The following KLF5 variants were observed in gnomAD, a reference collection of about 807,000 sequenced individuals.
KLF5 encodes KLF transcription factor 5, also known as Krueppel-like factor 5.
In KLF5, 9 loss-of-function variants were observed where a neutral mutation model predicts 36.9. That is an observed-to-expected ratio of 0.24 (90% CI 0.15 to 0.43). The LOEUF is 0.43. KLF5 is among the 20% of genes least tolerant of loss of function. KLF5 has a pLI of 1.00. For missense variants in KLF5, 524 were observed against 599.5 expected (o/e 0.87, Z 1.31); for synonymous variants, 246 against 241.7 (o/e 1.02, Z -0.17).
At chr13:73,057,380 GA>G (rs58090485), upstream of KLF5, among the ~76,000 whole-genome samples, 9,250 of 152,266 alleles carry the variant, frequency 0.061, 350 homozygotes, top group East Asian at 0.099. Flanking sequence ...TAAAGATGAA[GA>G]TGGACAGCAT....
intron 3 of KLF5, among the ~76,000 whole-genome samples, chr13:73,068,340 A>G (rs2044696397): frequency 6.6e-6 from 1 of 152,150 alleles, no homozygotes; most frequent in Non-Finnish European, 1.5e-5. Context: ...ACTTCGTATA[A>G]TCTGTACTTG....
intron 2 of KLF5, among the ~76,000 whole-genome samples, chr13:73,063,015 A>AT (rs148429695): frequency 0.061 from 9,219 of 150,654 alleles, 704 homozygotes; most frequent in African/African-American, 0.18. Context: ...GTTCCCTTGG[A>AT]TTTTTTTTTC....
intron 1 of KLF5, among the ~76,000 whole-genome samples, chr13:73,061,537 T>A (rs1269855839): frequency 1.3e-5 from 2 of 152,254 alleles, no homozygotes; most frequent in African/African-American, 4.8e-5. Flanking sequence ...GAATCCTGCT[T>A]GTACAGGGGT....
intron 2 of KLF5, among the ~76,000 whole-genome samples, chr13:73,063,506 A>C (rs1275200161): frequency 1.3e-5 from 2 of 152,242 alleles, no homozygotes; most frequent in African/African-American, 4.8e-5. Context: ...AGAGCCATTA[A>C]AATTTTTAAA....
At chr13:73,058,540 A>C (rs1226797261), upstream of KLF5, among the ~76,000 whole-genome samples, 1 of 152,230 alleles carries the variant, frequency 6.6e-6, no homozygotes, top group East Asian at 1.9e-4. Context: ...TCATTAGACA[A>C]ATCTCTAAAA....
intron 3 of KLF5, among the ~76,000 whole-genome samples, chr13:73,066,535 C>T (rs1267134807): frequency 4.6e-5 from 7 of 152,024 alleles, no homozygotes; most frequent in African/African-American, 1.4e-4. Flanking sequence ...TGTGAAGCAC[C>T]CTAGCATTTC....
upstream of KLF5, among the ~76,000 whole-genome samples, chr13:73,056,413 G>A (rs1284650448): frequency 1.3e-5 from 2 of 152,208 alleles, no homozygotes; most frequent in Non-Finnish European, 2.9e-5. Flanking sequence ...TAAGCGGGAA[G>A]GAATGCAAAG....
chr13:73,060,762 A>C (rs1173345007), intron 1 of KLF5: 2 of 152,306 alleles, frequency 1.3e-5, no homozygotes, highest in East Asian at 3.9e-4. Context: ...CATTCCATCT[A>C]GTTGGTTTTC....
intron 3 of KLF5, among the ~76,000 whole-genome samples, chr13:73,069,373 C>T (rs1457440753): frequency 6.6e-6 from 1 of 152,098 alleles, no homozygotes; most frequent in Non-Finnish European, 1.5e-5. Flanking sequence ...CAGGCAAAAT[C>T]TTTTTTGCAG....
chr13:73,071,512 A>G (rs188102122), intron 3 of KLF5, among the ~76,000 whole-genome samples: 1 of 152,308 alleles, frequency 6.6e-6, no homozygotes, highest in East Asian at 1.9e-4. Context: ...ATAGACGTAA[A>G]AATATGAATT....
At chr13:73,057,421 A>G (rs973589693), upstream of KLF5, among the ~76,000 whole-genome samples, 44 of 152,340 alleles carry the variant, frequency 2.9e-4, no homozygotes, top group African/African-American at 1.0e-3. Context: ...AAAACTTGCA[A>G]AAGCACTTAT....
chr13:73,069,099 AAAT>A (rs1255517897), intron 3 of KLF5, among the ~76,000 whole-genome samples: 5 of 152,198 alleles, frequency 3.3e-5, no homozygotes, highest in South Asian at 4.1e-4. Flanking sequence ...CCATCTGAAA[AAAT>A]AATAATAATA....
chr13:73,076,205 C>T lies in KLF5; in HGVS notation c.*319C>T, dbSNP rs117651109. Reference sequence around the variant, plus strand: ...AGTGTGTGCAGCGTTTTTACCTAGGCACCATCATTTAATGTGACAGTGTTC... The same window carrying T: ...AGTGTGTGCAGCGTTTTTACCTAGGTACCATCATTTAATGTGACAGTGTTC... On this transcript the variant is annotated 3_prime_UTR_variant, in exon 4 of 4. Transcript: ENST00000377687. 8 of 231,496 alleles carry T rather than the reference C, an allele frequency of 3.5e-5. No individual in the cohort carries two copies. Among genetic ancestry groups the T allele is most frequent in the Non-Finnish European group, 5.8e-5 (7 of 120,358 alleles). The allele number at this position is 231,496 out of a possible 1,614,324, so 14.3% of individuals were successfully genotyped here.
intron 1 of KLF5, 35 bp from the exon 2 acceptor site, chr13:73,061,826 G>C: frequency 1.3e-6 from 2 of 1,587,542 alleles, no homozygotes; most frequent in Non-Finnish European, 1.7e-6. Context: ...TGGTGAATCA[G>C]GTGGATTATG....
intron 3 of KLF5, among the ~76,000 whole-genome samples, chr13:73,072,910 G>A (rs185485011): frequency 6.6e-6 from 1 of 152,182 alleles, no homozygotes; most frequent in African/African-American, 2.4e-5. Flanking sequence ...CACATACTTT[G>A]AGATAAAGTG....
chr13:73,058,423 C>T (rs2044597486), upstream of KLF5, among the ~76,000 whole-genome samples: 2 of 152,224 alleles, frequency 1.3e-5, no homozygotes, highest in East Asian at 3.9e-4. Flanking sequence ...CGGATACACT[C>T]ACTGCTAAAG....
At chr13:73,075,534 T>G (rs978500751) in intron 3 of KLF5, among the ~76,000 whole-genome samples, 174 bp from the exon 4 acceptor site, 1 of 152,220 alleles carries the variant, frequency 6.6e-6, no homozygotes, top group Non-Finnish European at 1.5e-5. Flanking sequence ...GAAATAACTC[T>G]TAACTAGCTT....
chr13:73,057,512 T>C (rs1217129394), upstream of KLF5, among the ~76,000 whole-genome samples: 3 of 152,192 alleles, frequency 2.0e-5, no homozygotes, highest in African/African-American at 7.2e-5. Flanking sequence ...ATGAATCATG[T>C]GTCAACAGGA....
chr13:73,070,895 C>T (rs1212128230), intron 3 of KLF5, among the ~76,000 whole-genome samples: 3 of 152,164 alleles, frequency 2.0e-5, no homozygotes, highest in African/African-American at 7.2e-5. Context: ...CTGGGCAGGG[C>T]AAAGCCAGGC....
Sources: allele counts gnomAD v4.1 joint callset (sites outside exome capture counted in the v4.1 genomes callset), GRCh38; gene constraint gnomAD v4.1.1; transcripts MANE v1.5; gene names NCBI Gene and HGNC (gene_info 2026-07-23, HGNC 2026-07-21).